GRIN2B: variants seen among roughly 807,000 people sequenced by gnomAD.
GRIN2B encodes glutamate receptor ionotropic, NMDA 2B.
Under a neutral mutation model 114.5 loss-of-function variants are expected in GRIN2B, and 5 were observed. The ratio of observed to expected loss-of-function variants is 0.04; its 90% CI spans 0.02 to 0.09. The LOEUF is 0.09. Among genes scored for constraint, GRIN2B ranks in the 10% least tolerant of loss-of-function variants. The pLI, the probability that GRIN2B is intolerant of heterozygous loss-of-function variation, is 1.00. For synonymous variants in GRIN2B, 787 were observed against 745.1 expected (o/e 1.06, Z -0.92); for missense variants, 1,108 against 1,943.5 (o/e 0.57, Z 8.08).
chr12:13,960,119 C>T (rs1331116112), intron 2 of GRIN2B, among the ~76,000 whole-genome samples: 1 of 151,994 alleles, frequency 6.6e-6, no homozygotes, highest in African/African-American at 2.4e-5. Flanking sequence ...AGGCCTCTAC[C>T]CCTGCTCCCC....
intron 2 of GRIN2B, among the ~76,000 whole-genome samples, chr12:13,895,349 G>C (rs567620231): frequency 1.3e-5 from 2 of 152,116 alleles, no homozygotes; most frequent in African/African-American, 2.4e-5. Flanking sequence ...CTTACCCTAC[G>C]CAGGAAATAA....
intron 3 of GRIN2B, among the ~76,000 whole-genome samples, chr12:13,806,576 T>C (rs977793288): frequency 3.9e-5 from 6 of 152,270 alleles, no homozygotes; most frequent in Admixed American, 6.5e-5. Flanking sequence ...GGTTATTAGT[T>C]TTCTTGCTAT....
intron 3 of GRIN2B, among the ~76,000 whole-genome samples, chr12:13,845,708 A>G (rs1865460857): frequency 6.6e-6 from 1 of 152,182 alleles, no homozygotes; most frequent in South Asian, 2.1e-4. Flanking sequence ...GTAGTAAGAT[A>G]ACATGTTCAT....
At chr12:13,869,965 A>C (rs936497703) in intron 2 of GRIN2B, among the ~76,000 whole-genome samples, 28 of 152,332 alleles carry the variant, frequency 1.8e-4, no homozygotes, top group African/African-American at 6.7e-4. Context: ...AATAATCTAA[A>C]ATACTCCACA....
intron 5 of GRIN2B, among the ~76,000 whole-genome samples, chr12:13,618,744 T>A (rs763142955): frequency 6.6e-6 from 1 of 152,214 alleles, no homozygotes; most frequent in African/African-American, 2.4e-5. Context: ...CTATTTTACA[T>A]CATGAATCCT....
chr12:13,931,680 A>C (rs1867034214), intron 2 of GRIN2B, among the ~76,000 whole-genome samples: 1 of 152,186 alleles, frequency 6.6e-6, no homozygotes, highest in South Asian at 2.1e-4. Context: ...TCAGACAAAA[A>C]CACTTCCTGT....
intron 3 of GRIN2B, among the ~76,000 whole-genome samples, chr12:13,843,567 A>C (rs1865423038): frequency 6.6e-6 from 1 of 152,152 alleles, no homozygotes; most frequent in Admixed American, 6.6e-5. Flanking sequence ...AGCGTAGGTA[A>C]GCTACTAGAA....
intron 3 of GRIN2B, among the ~76,000 whole-genome samples, chr12:13,773,215 C>G (rs1204847271): frequency 6.6e-6 from 1 of 152,126 alleles, no homozygotes. Flanking sequence ...ACAAAATATC[C>G]TCTATTTGGA....
At chr12:13,890,720 T>C (rs1866245135) in intron 2 of GRIN2B, among the ~76,000 whole-genome samples, 1 of 152,162 alleles carries the variant, frequency 6.6e-6, no homozygotes, top group African/African-American at 2.4e-5. Context: ...TGAACCAGCT[T>C]AGGCACTTAG....
chr12:13,605,552 GACAC>G (rs66916614), intron 10 of GRIN2B, among the ~76,000 whole-genome samples: 12 of 129,710 alleles, frequency 9.3e-5, no homozygotes, highest in Admixed American at 1.6e-4. Flanking sequence ...CTCTCTCTCT[GACAC>G]ACACACACAC....
chr12:13,886,514 T>C (rs1352642797), intron 2 of GRIN2B, among the ~76,000 whole-genome samples: 1 of 152,032 alleles, frequency 6.6e-6, no homozygotes, highest in Non-Finnish European at 1.5e-5. Flanking sequence ...GGGTGATGGA[T>C]TTTGAACAGA....
chr12:13,807,995 A>G (rs1864642254), intron 3 of GRIN2B, among the ~76,000 whole-genome samples: 1 of 152,184 alleles, frequency 6.6e-6, no homozygotes, highest in Admixed American at 6.5e-5. Flanking sequence ...GGATGATTCT[A>G]GATGACATTA....
In GRIN2B at chr12:13,539,059, G is replaced by A. The variant is rs553550568; in HGVS notation, c.*23724C>T. 3.3e-5 allele frequency: 5 copies of A among 152,360 alleles called. No homozygotes were observed. Among genetic ancestry groups the A allele is most frequent in the African/African-American group, 7.2e-5 (3 of 41,582 alleles). 9.4% of individuals were successfully genotyped at this position (152,360 alleles called of 1,614,324 possible). On this transcript the variant is annotated 3_prime_UTR_variant, in exon 14 of 14. Coordinates refer to ENST00000609686, the MANE Select transcript of GRIN2B (RefSeq NM_000834.5). ...ATATCTGGGAAGAATCTGGCTTTAT[G>A]TTAGAGCTTGCTACTTTCTGGAATG...
At chr12:13,832,882 C>T (rs1865177715) in intron 3 of GRIN2B, among the ~76,000 whole-genome samples, 2 of 152,214 alleles carry the variant, frequency 1.3e-5, no homozygotes, top group South Asian at 4.1e-4. Context: ...AAGGTCACTC[C>T]AATTTATATG....
Position 13,564,599 on chromosome 12 carries a change from C to T in GRIN2B, c.2639G>A (p.Arg880His), listed in dbSNP as rs904771425. The T allele has an allele frequency of 6.2e-7, 1 of 1,613,916 alleles. No homozygotes were observed. The highest frequency in any genetic ancestry group is 8.5e-7 in the Non-Finnish European group (1 of 1,179,980). Residue 880 changes from arginine (R) to histidine (H), a missense_variant, in exon 14 of 14, where the codon CGC becomes CAC. By Grantham distance (29) the Arg-to-His change is conservative. Transcript: ENST00000609686. The surrounding 1 kb of genome is among the most constrained non-coding windows in gnomAD (Gnocchi z 4.8). The part of the protein sequence containing the change: ...SCIHGVAIEE[R>H]QSVMNSPTAT... ...GGTGGGGGAGTTCATTACAGACTGG[C>T]GCTCCTCGATCGCCACCCCATGGAT...
chr12:13,646,865 T>A (rs1452624074), intron 5 of GRIN2B, among the ~76,000 whole-genome samples: 3 of 152,026 alleles, frequency 2.0e-5, no homozygotes. Flanking sequence ...AAAGAGATTC[T>A]CCTCTTGGCC....
At chr12:13,838,259 C>T (rs1003328322) in intron 3 of GRIN2B, among the ~76,000 whole-genome samples, 11 of 152,240 alleles carry the variant, frequency 7.2e-5, no homozygotes, top group Middle Eastern at 3.4e-3. Context: ...CAGTCAGCCT[C>T]GGCCCAAAGC....
In GRIN2B at chr12:13,615,337, GC is replaced by G. The variant is rs2136479670; in HGVS notation, c.1501-71del. Reference sequence around the variant, plus strand: ...AAGGGACCACCACAAGGAAAATACAGCCTATCAGTGGTTTTCTTTGTATAGT... The same window carrying G: ...AAGGGACCACCACAAGGAAAATACAGCTATCAGTGGTTTTCTTTGTATAGT... On this transcript the variant is annotated intron_variant, in intron 7 of 13. Transcript: ENST00000609686. The surrounding 1 kb of genome is among the most constrained non-coding windows in gnomAD (Gnocchi z 5.8). The G allele has an allele frequency of 6.6e-7, 1 of 1,511,718 alleles. No homozygotes were observed. Among genetic ancestry groups the G allele is most frequent in the African/African-American group, 1.4e-5 (1 of 73,014 alleles). The allele number at this position is 1,511,718 out of a possible 1,614,324, so 93.6% of individuals were successfully genotyped here. A position where few individuals can be genotyped will look rare whatever the true frequency, so the allele number is the denominator to read the frequency against.
chr12:13,642,508 G>C (rs1216371970), intron 5 of GRIN2B, among the ~76,000 whole-genome samples: 2 of 151,924 alleles, frequency 1.3e-5, no homozygotes, highest in Non-Finnish European at 1.5e-5. Context: ...CTCTCTTAAG[G>C]GCTAATTATT....
Sources: allele counts gnomAD v4.1 joint callset (sites outside exome capture counted in the v4.1 genomes callset), GRCh38; gene constraint gnomAD v4.1.1; non-coding constraint Gnocchi (gnomAD v3.1); transcripts MANE v1.5; gene names NCBI Gene and HGNC (gene_info 2026-07-23, HGNC 2026-07-21).